Variants in GLRB observed in about 807,000 individuals in gnomAD.
GLRB encodes the protein glycine receptor beta.
In GLRB, 33 loss-of-function variants were observed where a neutral mutation model predicts 54.2. That is an observed-to-expected ratio of 0.61 (90% CI 0.46 to 0.81). The LOEUF is 0.81. GLRB is among the 40% of genes least tolerant of loss of function. The pLI, the probability that GLRB is intolerant of heterozygous loss-of-function variation, is 0.00. For synonymous variants in GLRB, 209 were observed against 208.2 expected (o/e 1.00, Z -0.03); for missense variants, 572 against 584.6 (o/e 0.98, Z 0.22).
In GLRB at chr4:157,097,121, T is replaced by C. The variant is rs74391298; in HGVS notation, c.122+18975T>C. Among the ~76,000 whole-genome samples, 1,193 of 152,284 alleles carry C rather than the reference T, an allele frequency of 7.8e-3. 22 individuals are homozygous for C. The East Asian group carries it at 0.1, about 13-fold the overall frequency. On this transcript the variant is annotated intron_variant, in intron 2 of 9. Coordinates refer to ENST00000264428, the MANE Select transcript of GLRB (RefSeq NM_000824.5). ...GAAAATAAGATAGATGAATTTATAGTGTGTGGATATATATAAGAAATCGAG... is the reference window on the plus strand; with the variant it reads ...GAAAATAAGATAGATGAATTTATAGCGTGTGGATATATATAAGAAATCGAG...
Position 157,136,375 on chromosome 4 carries a change from A to G in GLRB, c.298-94A>G, listed in dbSNP as rs559568509. The G allele has an allele frequency of 6.8e-6, 5 of 740,630 alleles. No individual in the cohort carries two copies. In the Admixed American group the frequency reaches 8.3e-5, roughly 12 times the overall value. The allele number at this position is 740,630 out of a possible 1,614,324, so 45.9% of individuals were successfully genotyped here. On this transcript the variant is annotated intron_variant, in intron 4 of 9. Coordinates refer to ENST00000264428, the MANE Select transcript of GLRB (RefSeq NM_000824.5). ...TTGGAAGAACAAAAATATTTGTGCC[A>G]CTAATCATTGTAACCCTTTTTGTTT... is the stretch of plus-strand genomic sequence containing the variant.
chr4:157,115,832 G>C (rs1031612344), intron 2 of GLRB, among the ~76,000 whole-genome samples: 1 of 151,732 alleles, frequency 6.6e-6, no homozygotes, highest in Non-Finnish European at 1.5e-5. Context: ...CTTTGTATTT[G>C]GTTAAGTTCA....
chr4:157,155,216 C>A (rs1217989010), intron 9 of GLRB, among the ~76,000 whole-genome samples: 4 of 152,118 alleles, frequency 2.6e-5, no homozygotes, highest in Admixed American at 2.6e-4. Context: ...GCAACCTCCA[C>A]CTCCTGGATT....
chr4:157,117,150 G>A (rs1247454146), intron 2 of GLRB, among the ~76,000 whole-genome samples: 3 of 151,700 alleles, frequency 2.0e-5, no homozygotes, highest in Non-Finnish European at 4.4e-5. Context: ...ACAATGCTTA[G>A]TAAAATGAAT....
Position 157,150,921 on chromosome 4 carries a change from C to A in GLRB, c.905-1797C>A, listed in dbSNP as rs574436571. Among the ~76,000 whole-genome samples, 108 of 152,072 alleles carry A rather than the reference C, an allele frequency of 7.1e-4. 2 individuals carry two copies. Among genetic ancestry groups the A allele is most frequent in the African/African-American group, 2.0e-3 (84 of 41,524 alleles). On this transcript the variant is annotated intron_variant, in intron 8 of 9. Coordinates refer to ENST00000264428, the MANE Select transcript of GLRB (RefSeq NM_000824.5). Reference sequence around the variant, plus strand: ...TCTCAGTCTATTTTGTATATCCACACCAAAGTAATGCTACTTAAGTATTCT... The same window carrying A: ...TCTCAGTCTATTTTGTATATCCACAACAAAGTAATGCTACTTAAGTATTCT...
At chr4:157,118,140 A>T (rs1735672795) in intron 2 of GLRB, among the ~76,000 whole-genome samples, 1 of 151,662 alleles carries the variant, frequency 6.6e-6, no homozygotes, top group Non-Finnish European at 1.5e-5. Context: ...CAGAAAAATC[A>T]GCTGGAAAGT....
At chr4:157,163,865 G>A (rs934543762) in intron 9 of GLRB, among the ~76,000 whole-genome samples, 8 of 124,704 alleles carry the variant, frequency 6.4e-5, no homozygotes, top group Admixed American at 3.7e-4. Context: ...TTAATATAAT[G>A]TCCAGGATTT....
chr4:157,157,755 T>C (rs1737291852), intron 9 of GLRB, among the ~76,000 whole-genome samples: 1 of 152,178 alleles, frequency 6.6e-6, no homozygotes, highest in African/African-American at 2.4e-5. Flanking sequence ...GACATATGGG[T>C]TGGTTCCAAG....
chr4:157,120,611 T>A lies in GLRB; in HGVS notation c.178T>A (p.Leu60Met). The A allele has an allele frequency of 1.2e-6, 2 of 1,600,858 alleles. No individual in the cohort carries two copies. The highest frequency in any genetic ancestry group is 1.7e-6 in the Non-Finnish European group (2 of 1,170,222). Residue 60 changes from leucine (L) to methionine (M), a missense_variant, in exon 3 of 10, where the codon TTG becomes ATG. Transcript: ENST00000264428. ...ACCTGCCAACTCCACTAGCAATATCTTGAACAGGTTATTGGTCAGTTATGA... is the reference window on the plus strand; with the variant it reads ...ACCTGCCAACTCCACTAGCAATATCATGAACAGGTTATTGGTCAGTTATGA... ...RVPANSTSNI[L>M]NRLLVSYDPR...
chr4:157,152,803 T>C lies in GLRB; in HGVS notation c.990T>C (p.Asp330=). 6.2e-7 allele frequency: 1 copy of C among 1,613,968 alleles called. No homozygotes were observed. The highest frequency in any genetic ancestry group is 8.5e-7 in the Non-Finnish European group (1 of 1,179,878). The part of the protein sequence containing the change: ...LPKVSYVKAL[D]VWLIACLLFG... ...AAGTTTCCTATGTGAAGGCTCTTGA[T>C]GTTTGGCTTATTGCTTGCCTTCTCT... The change falls in exon 9 of 10, where the codon GAT becomes GAC. Residue 330 remains aspartate, a synonymous_variant. Transcript: ENST00000264428.
At chr4:157,164,657 A>G (rs1055082116) in intron 9 of GLRB, among the ~76,000 whole-genome samples, 4 of 152,202 alleles carry the variant, frequency 2.6e-5, no homozygotes, top group Non-Finnish European at 5.9e-5. Context: ...ATTAAATTAA[A>G]TGTAGTAACA....
intron 1 of GLRB, among the ~76,000 whole-genome samples, chr4:157,077,580 A>T (rs1579175253): frequency 6.6e-6 from 1 of 152,072 alleles, no homozygotes; most frequent in Non-Finnish European, 1.5e-5. Context: ...AAAGAAAAAG[A>T]TACTTCCAAA....
At chr4:157,103,074 C>T (rs779607958) in intron 2 of GLRB, among the ~76,000 whole-genome samples, 2 of 151,650 alleles carry the variant, frequency 1.3e-5, no homozygotes, top group Non-Finnish European at 2.9e-5. Context: ...TCCCTTGAAC[C>T]CGGGAGGCAA....
At chr4:157,152,002 A>C (rs2126600749) in intron 8 of GLRB, among the ~76,000 whole-genome samples, 1 of 152,322 alleles carries the variant, frequency 6.6e-6, no homozygotes, top group Middle Eastern at 3.4e-3. Flanking sequence ...AAGGAAAGGA[A>C]AAAGAGAGAG....
At chr4:157,138,219 C>G (rs780615519) in intron 6 of GLRB, among the ~76,000 whole-genome samples, 1 of 152,054 alleles carries the variant, frequency 6.6e-6, no homozygotes. Context: ...TCACATGCGT[C>G]CACCACCGTG....
chr4:157,167,449 A>G (rs1737752268), intron 9 of GLRB, among the ~76,000 whole-genome samples: 1 of 152,200 alleles, frequency 6.6e-6, no homozygotes, highest in Admixed American at 6.5e-5. Flanking sequence ...AATAGGGCAG[A>G]TGTGAGTGTG....
At position 157,171,733 on chromosome 4, in the gene GLRB, A is replaced by C. The variant is rs551303360; in HGVS notation, c.*1005A>C. On this transcript the variant is annotated 3_prime_UTR_variant, in exon 10 of 10. Coordinates refer to ENST00000264428, the MANE Select transcript of GLRB (RefSeq NM_000824.5). ...ACTGAATTTATTTTTTTATTTGAATATTTTGGGATTAGTTACAAAATATTT... is the reference window on the plus strand; with the variant it reads ...ACTGAATTTATTTTTTTATTTGAATCTTTTGGGATTAGTTACAAAATATTT... 1 of 152,130 alleles carries C rather than the reference A, an allele frequency of 6.6e-6. No individual in the cohort carries two copies. The highest frequency in any genetic ancestry group is 1.9e-4 in the East Asian group (1 of 5,180). The allele number at this position is 152,130 out of a possible 1,614,324, so 9.4% of individuals were successfully genotyped here.
intron 9 of GLRB, among the ~76,000 whole-genome samples, chr4:157,161,808 C>G (rs1254509686): frequency 1.3e-5 from 2 of 152,112 alleles, no homozygotes; most frequent in Admixed American, 6.6e-5. Context: ...AATTATGTGT[C>G]TTGGAGTTGC....
intron 4 of GLRB, among the ~76,000 whole-genome samples, chr4:157,128,215 T>C (rs1333361855): frequency 3.3e-5 from 5 of 151,906 alleles, no homozygotes; most frequent in African/African-American, 1.2e-4. Flanking sequence ...AGTTAAAATA[T>C]ACTTTATTCC....
Sources: gnomAD v4.1 joint callset for allele counts (sites outside exome capture counted in the v4.1 genomes callset) on GRCh38, gnomAD v4.1.1 for gene constraint, MANE v1.5 for transcripts, NCBI Gene and HGNC (gene_info 2026-07-23, HGNC 2026-07-21) for gene names.